The following PIK3CB variants were observed in gnomAD, a reference collection of about 807,000 sequenced individuals.
PIK3CB encodes the protein phosphatidylinositol 4,5-bisphosphate 3-kinase catalytic subunit beta isoform.
A neutral mutation model predicts 136.8 loss-of-function variants in PIK3CB; 39 were observed. The ratio of observed to expected loss-of-function variants is 0.29; its 90% confidence interval spans 0.22 to 0.37. The LOEUF (loss-of-function observed/expected upper bound fraction) is 0.37, where lower values mean the gene tolerates loss of function less well. Ranked by LOEUF, PIK3CB falls within the 10% of genes least tolerant of loss-of-function variation. PIK3CB has a pLI of 1.00. For missense variants in PIK3CB, 868 were observed against 1,275.4 expected, an observed-to-expected ratio of 0.68 and a Z score of 4.87; for synonymous variants, 428 against 436.6, an observed-to-expected ratio of 0.98 and a Z score of 0.25.
intron 2 of PIK3CB, among the ~76,000 whole-genome samples, chr3:138,775,641 A>G (rs1484836912): frequency 3.9e-5 from 6 of 152,166 alleles, no homozygotes; most frequent in African/African-American, 1.4e-4. Context: ...TGTTGCTGTC[A>G]TGAAACCCCC....
intron 2 of PIK3CB, chr3:138,778,410 G>A (rs1214245179): frequency 6.6e-6 from 2 of 304,160 alleles, no homozygotes; most frequent in Non-Finnish European, 1.3e-5. Context: ...GGAAACTGTG[G>A]TGCAATGGCT....
intron 14 of PIK3CB, among the ~76,000 whole-genome samples, chr3:138,694,119 T>C (rs1398654303): frequency 6.6e-6 from 1 of 151,226 alleles, no homozygotes; most frequent in Non-Finnish European, 1.5e-5. Flanking sequence ...GATTGGCCCA[T>C]GGCTAGCATC....
chr3:138,821,958 C>T (rs1180250947), intron 1 of PIK3CB, among the ~76,000 whole-genome samples: 1 of 150,064 alleles, frequency 6.7e-6, no homozygotes, highest in Non-Finnish European at 1.5e-5. Context: ...TTGAGACTAG[C>T]CTGAGCAACA....
intron 1 of PIK3CB, among the ~76,000 whole-genome samples, chr3:138,811,450 G>A (rs1304547487): frequency 6.9e-6 from 1 of 144,454 alleles, no homozygotes; most frequent in Non-Finnish European, 1.5e-5. Flanking sequence ...TTTTTTGGCA[G>A]TGTCTCACTT....
chr3:138,783,529 G>A (rs750378942), intron 2 of PIK3CB, among the ~76,000 whole-genome samples: 7 of 152,100 alleles, frequency 4.6e-5, no homozygotes, highest in African/African-American at 7.2e-5. Context: ...CCCATCCCCC[G>A]GCCTTGGTCT....
intron 8 of PIK3CB, 109 bp from the exon 9 acceptor site, chr3:138,714,828 G>A: frequency 9.7e-7 from 1 of 1,031,254 alleles, no homozygotes; most frequent in Non-Finnish European, 1.4e-6. Flanking sequence ...CTTTATTTTG[G>A]AGAAGGAAGG....
At chr3:138,804,414 T>A (rs2046209000) in intron 1 of PIK3CB, among the ~76,000 whole-genome samples, 1 of 152,038 alleles carries the variant, frequency 6.6e-6, no homozygotes, top group Non-Finnish European at 1.5e-5. Context: ...CTCAGGAGGC[T>A]GAGGTGGAAG....
chr3:138,689,206 G>C (rs922529807), intron 15 of PIK3CB, among the ~76,000 whole-genome samples: 2 of 152,092 alleles, frequency 1.3e-5, no homozygotes, highest in Non-Finnish European at 2.9e-5. Context: ...CCGGGTTCAA[G>C]CTTGCCTAAA....
At chr3:138,753,845 T>C (rs973221651) in intron 4 of PIK3CB, among the ~76,000 whole-genome samples, 12 of 152,176 alleles carry the variant, frequency 7.9e-5, no homozygotes, top group Admixed American at 6.5e-5. Context: ...GCCTACTCTG[T>C]GGTACTTTTT....
chr3:138,714,770 G>A (rs770365706), intron 8 of PIK3CB, 51 bp from the exon 9 acceptor site: 11 of 1,422,252 alleles, frequency 7.7e-6, no homozygotes, highest in African/African-American at 2.9e-5. Context: ...ACTGTACCAC[G>A]AAAAACATCT....
At chr3:138,830,478 G>A (rs565256966) in intron 1 of PIK3CB, among the ~76,000 whole-genome samples, 2 of 152,092 alleles carry the variant, frequency 1.3e-5, no homozygotes, top group South Asian at 2.1e-4. Context: ...CCTTGAACCC[G>A]GGAGGCGGAG....
intron 8 of PIK3CB, among the ~76,000 whole-genome samples, chr3:138,731,888 TAGA>T (rs1310454333): frequency 2.6e-5 from 4 of 151,214 alleles, no homozygotes; most frequent in Non-Finnish European, 5.9e-5. Context: ...GAGGCTAAGG[TAGA>T]AGAATTGCTT....
intron 4 of PIK3CB, among the ~76,000 whole-genome samples, chr3:138,747,787 T>A (rs1684705698): frequency 6.6e-6 from 1 of 152,148 alleles, no homozygotes; most frequent in African/African-American, 2.4e-5. Context: ...TCAAAAAAAG[T>A]TTCAATATAC....
Position 138,815,139 on chromosome 3 carries a change from CAAAAAAAA to C in PIK3CB, c.-121-18580_-121-18573del, listed in dbSNP as rs71637082. ...TGGGCAACAGAGCGAGACTCCGTCT[CAAAAAAAA>C]AAAAAAAAAAAAAAAATATATATAT... On this transcript the variant is annotated intron_variant, in intron 1 of 23. Coordinates refer to ENST00000674063, the MANE Select transcript of PIK3CB (RefSeq NM_006219.3). 4.0e-3 allele frequency among the ~76,000 whole-genome samples: 154 copies of C among 38,144 alleles called. 2 individuals carry two copies. Among genetic ancestry groups the C allele is most frequent in the African/African-American group, 0.019 (148 of 7,932 alleles). The allele number at this position is 38,144 out of a possible 152,430, so 25.0% of individuals were successfully genotyped here. A position where few individuals can be genotyped will look rare whatever the true frequency, so the allele number is the denominator to read the frequency against.
intron 1 of PIK3CB, among the ~76,000 whole-genome samples, chr3:138,811,096 G>A (rs1327722353): frequency 6.6e-6 from 1 of 150,964 alleles, no homozygotes; most frequent in Admixed American, 6.6e-5. Flanking sequence ...GCATGGTGGT[G>A]CGTGCCTGTA....
chr3:138,753,789 G>T (rs2045515944), intron 4 of PIK3CB, among the ~76,000 whole-genome samples: 1 of 152,018 alleles, frequency 6.6e-6, no homozygotes, highest in South Asian at 2.1e-4. Context: ...CTAGGTGACA[G>T]AAAGAGACCC....
intron 5 of PIK3CB, among the ~76,000 whole-genome samples, chr3:138,741,119 T>C (rs941549725): frequency 1.3e-5 from 2 of 152,242 alleles, no homozygotes; most frequent in African/African-American, 4.8e-5. Flanking sequence ...TGACAAATGG[T>C]GTTTTTCCCT....
At chr3:138,763,033 A>G (rs2045683240) in intron 2 of PIK3CB, among the ~76,000 whole-genome samples, 3 of 152,196 alleles carry the variant, frequency 2.0e-5, no homozygotes, top group South Asian at 4.1e-4. Context: ...ATGCAAAGAC[A>G]GAGGTGGAAG....
chr3:138,751,017 G>A (rs921096900), intron 4 of PIK3CB, among the ~76,000 whole-genome samples: 1 of 152,092 alleles, frequency 6.6e-6, no homozygotes, highest in African/African-American at 2.4e-5. Context: ...TTATGAATAA[G>A]GGACCCTGTT....
Sources: allele counts gnomAD v4.1 joint callset (sites outside exome capture counted in the v4.1 genomes callset), GRCh38; gene constraint gnomAD v4.1.1; transcripts MANE v1.5; gene names NCBI Gene and HGNC (gene_info 2026-07-23, HGNC 2026-07-21).